Variants in TANC1 observed in about 807,000 individuals in gnomAD.
The protein encoded by TANC1 is protein TANC1.
A neutral mutation model predicts 149.7 loss-of-function variants in TANC1; 77 were observed. That is an observed-to-expected ratio of 0.51 (90% confidence interval 0.43 to 0.62). TANC1 has a LOEUF of 0.62. Ranked by LOEUF, TANC1 falls within the 20% of genes least tolerant of loss-of-function variation. The pLI is 0.00. For synonymous variants in TANC1, 854 were observed against 925.0 expected, an observed-to-expected ratio of 0.92 and a Z score of 1.39; for missense variants, 1,985 against 2,321.8, an observed-to-expected ratio of 0.85 and a Z score of 2.98.
intron 4 of TANC1, among the ~76,000 whole-genome samples, chr2:159,100,777 A>G (rs1310518962): frequency 2.6e-5 from 4 of 152,326 alleles, no homozygotes; most frequent in East Asian, 3.9e-4. Flanking sequence ...AATGATGAAC[A>G]GTATTTTTTT....
intron 3 of TANC1, among the ~76,000 whole-genome samples, chr2:159,093,559 A>ACCCAGCTTT (rs1448952366): frequency 6.6e-6 from 1 of 152,102 alleles, no homozygotes; most frequent in African/African-American, 2.4e-5. Flanking sequence ...TGCTAGATCC[A>ACCCAGCTTT]CCCAGCTTTG....
rs1288575999 is a variant in TANC1, at chr2:159,213,538, G to C, written c.3245-3959G>C. Among the ~76,000 whole-genome samples, 3 of 151,964 alleles carry C rather than the reference G, an allele frequency of 2.0e-5. No individual in the cohort carries two copies. In the East Asian group the frequency reaches 5.8e-4, roughly 30 times the overall value. On this transcript the variant is annotated intron_variant, in intron 19 of 26. Coordinates refer to ENST00000263635, the MANE Select transcript of TANC1 (RefSeq NM_033394.3). Reference sequence around the variant, plus strand: ...GAGATGAACTTTAAATGTCTGCTCAGTAAGGGCAATGGGCCTGTTTGCATA... The same window carrying C: ...GAGATGAACTTTAAATGTCTGCTCACTAAGGGCAATGGGCCTGTTTGCATA...
At chr2:159,079,164 C>T (rs2043995245) in intron 3 of TANC1, among the ~76,000 whole-genome samples, 1 of 151,710 alleles carries the variant, frequency 6.6e-6, no homozygotes, top group South Asian at 2.1e-4. Context: ...AAAAGTGAAT[C>T]TTTTGGAGAA....
At chr2:159,057,502 C>A (rs765449076) in intron 2 of TANC1, among the ~76,000 whole-genome samples, 3 of 152,156 alleles carry the variant, frequency 2.0e-5, no homozygotes, top group Non-Finnish European at 4.4e-5. Context: ...AGGTTGTAAC[C>A]CAATTTCTGC....
At position 159,160,077 on chromosome 2, in the gene TANC1, G is replaced by A. The variant is rs75264505; in HGVS notation, c.683-3206G>A. Among the ~76,000 whole-genome samples the A allele has an allele frequency of 3.3e-3, 501 of 152,238 alleles. 3 individuals carry two copies. Among genetic ancestry groups the A allele is most frequent in the East Asian group, 7.7e-3 (40 of 5,182 alleles). ...TAAGACACTGTCCTTGAGACTAAAC[G>A]GAATGTAACACTAAATTGTGAGGCA... On this transcript the variant is annotated intron_variant, in intron 7 of 26. Coordinates refer to ENST00000263635, the MANE Select transcript of TANC1 (RefSeq NM_033394.3).
Position 159,123,299 on chromosome 2 carries a change from A to G in TANC1, c.260-12895A>G, listed in dbSNP as rs560463332. Among the ~76,000 whole-genome samples the G allele has an allele frequency of 2.6e-5, 4 of 152,120 alleles. No homozygotes were observed. The South Asian group carries it at 8.3e-4, about 32-fold the overall frequency. On this transcript the variant is annotated intron_variant, in intron 4 of 26. Coordinates refer to ENST00000263635, the MANE Select transcript of TANC1 (RefSeq NM_033394.3). ...TGGAGTGTGTATGTGCGTGTATTAGATTTGTTGGAGAAGGCTGGGATAGTC... is the reference window on the plus strand; with the variant it reads ...TGGAGTGTGTATGTGCGTGTATTAGGTTTGTTGGAGAAGGCTGGGATAGTC...
chr2:159,189,461 C>T (rs1453987515), intron 16 of TANC1, among the ~76,000 whole-genome samples: 2 of 152,150 alleles, frequency 1.3e-5, no homozygotes, highest in African/African-American at 4.8e-5. Context: ...TCTGAAGACT[C>T]CATGAAAGGT....
chr2:159,116,408 CAG>C (rs973838546), intron 4 of TANC1, among the ~76,000 whole-genome samples: 3 of 150,164 alleles, frequency 2.0e-5, no homozygotes, highest in Non-Finnish European at 3.0e-5. Flanking sequence ...GCCTGGGTGA[CAG>C]AGCAAGACTC....
rs555542441 is a variant in TANC1, at chr2:159,074,905, T to C, written c.61+8934T>C. Among the ~76,000 whole-genome samples the C allele has an allele frequency of 7.2e-5, 11 of 152,222 alleles. No homozygotes were observed. In the East Asian group the frequency reaches 1.5e-3, roughly 21 times the overall value. On this transcript the variant is annotated intron_variant, in intron 3 of 26. Transcript: ENST00000263635. ...GAGACAGGGATAGCAAGTTTTCTGG[T>C]ATCTCTTCTTATAAGAGCGCTAATC...
At chr2:158,970,417 C>T (rs1478777465) in intron 1 of TANC1, among the ~76,000 whole-genome samples, 1 of 152,124 alleles carries the variant, frequency 6.6e-6, no homozygotes, top group African/African-American at 2.4e-5. Flanking sequence ...TTAACAGCTG[C>T]TTCTTGATTG....
intron 7 of TANC1, among the ~76,000 whole-genome samples, chr2:159,154,812 A>AT (rs1311515686): frequency 6.6e-6 from 1 of 152,296 alleles, no homozygotes; most frequent in East Asian, 1.9e-4. Context: ...TGATTTTCAA[A>AT]TTTGCAATGT....
chr2:159,136,047 T>TGTGTGTGTGTGTGAGC, intron 4 of TANC1, 147 bp from the exon 5 acceptor site: 1 of 210,232 alleles, frequency 4.8e-6, no homozygotes, highest in Non-Finnish European at 9.1e-6. Context: ...TGTGTGTGTG[T>TGTGTGTGTGTGTGAGC]GTGCGCGCGC....
intron 1 of TANC1, among the ~76,000 whole-genome samples, chr2:158,991,220 A>T (rs2035593809): frequency 6.6e-6 from 1 of 152,004 alleles, no homozygotes. Context: ...TGATAGGAAG[A>T]TGTAGAATTT....
intron 1 of TANC1, among the ~76,000 whole-genome samples, chr2:158,975,435 A>G (rs1251073105): frequency 6.6e-6 from 1 of 152,176 alleles, no homozygotes; most frequent in Non-Finnish European, 1.5e-5. Flanking sequence ...TAGTAATGCC[A>G]TACCTTTTGC....
At chr2:158,988,826 C>T (rs963581902) in intron 1 of TANC1, among the ~76,000 whole-genome samples, 2 of 152,158 alleles carry the variant, frequency 1.3e-5, no homozygotes, top group African/African-American at 2.4e-5. Flanking sequence ...GGTCTCATGG[C>T]AGGTCGACTG....
intron 4 of TANC1, among the ~76,000 whole-genome samples, chr2:159,114,286 G>A (rs2048025628): frequency 6.6e-6 from 1 of 152,106 alleles, no homozygotes; most frequent in Non-Finnish European, 1.5e-5. Flanking sequence ...GCCTTGCAGG[G>A]GCCACCTGAG....
intron 19 of TANC1, among the ~76,000 whole-genome samples, chr2:159,203,119 G>A (rs1381106701): frequency 1.3e-5 from 2 of 152,192 alleles, no homozygotes; most frequent in Non-Finnish European, 2.9e-5. Context: ...TGGTATCAGA[G>A]CCTTAACCCT....
intron 1 of TANC1, among the ~76,000 whole-genome samples, chr2:158,982,355 A>T (rs1261234441): frequency 2.6e-5 from 4 of 152,188 alleles, no homozygotes; most frequent in Non-Finnish European, 5.9e-5. Flanking sequence ...AACATATAGG[A>T]TATGGTAAAA....
Position 159,219,379 on chromosome 2 carries a change from T to G in TANC1, c.3502+18T>G. 3.9e-6 allele frequency: 6 copies of G among 1,533,646 alleles called. No homozygotes were observed. The Admixed American group carries it at 1.0e-4, about 26-fold the overall frequency. On this transcript the variant is annotated intron_variant, in intron 21 of 26. Transcript: ENST00000263635. ...TTCAAAAGGTAGCAGCGTGATGCCCTCAAAGGTTTCTTTTGGACGGACACA... is the reference window on the plus strand; with the variant it reads ...TTCAAAAGGTAGCAGCGTGATGCCCGCAAAGGTTTCTTTTGGACGGACACA...
Sources: gnomAD v4.1 joint callset for allele counts (sites outside exome capture counted in the v4.1 genomes callset) on GRCh38, gnomAD v4.1.1 for gene constraint, MANE v1.5 for transcripts, NCBI Gene and HGNC (gene_info 2026-07-23, HGNC 2026-07-21) for gene names.